The following ROBO1 variants were observed in gnomAD, a reference collection of about 807,000 sequenced individuals.
The protein encoded by ROBO1 is roundabout guidance receptor 1.
ROBO1 carries 149 observed loss-of-function variants against 195.9 expected under a neutral mutation model. The observed-to-expected ratio is 0.76, with a 90% CI of 0.67 to 0.87. ROBO1 has a LOEUF of 0.87. ROBO1 is among the 40% of genes least tolerant of loss of function. ROBO1 has a pLI of 0.00. For missense variants in ROBO1, 1,933 were observed against 2,068.3 expected (o/e 0.93, Z 1.27); for synonymous variants, 816 against 733.2 (o/e 1.11, Z -1.82).
At chr3:79,003,299 C>T (rs962031309) in intron 3 of ROBO1, among the ~76,000 whole-genome samples, 4 of 151,946 alleles carry the variant, frequency 2.6e-5, no homozygotes, top group Non-Finnish European at 4.4e-5. Flanking sequence ...TTGAAATCAC[C>T]GGGAGGGGAG....
chr3:79,634,950 A>T (rs1945454566), intron 1 of ROBO1, among the ~76,000 whole-genome samples: 1 of 152,230 alleles, frequency 6.6e-6, no homozygotes, highest in Non-Finnish European at 1.5e-5. Flanking sequence ...ATGGAACTTA[A>T]TATGTATCAG....
intron 2 of ROBO1, among the ~76,000 whole-genome samples, chr3:79,179,126 C>T (rs1184188016): frequency 6.6e-6 from 1 of 151,994 alleles, no homozygotes; most frequent in African/African-American, 2.4e-5. Context: ...TCAAAGACCA[C>T]TAAAAATAAA....
chr3:79,450,972 T>C (rs1019236659), intron 2 of ROBO1, among the ~76,000 whole-genome samples: 2 of 151,978 alleles, frequency 1.3e-5, no homozygotes, highest in Non-Finnish European at 2.9e-5. Flanking sequence ...CAGATTATTT[T>C]CCATTAGATA....
chr3:79,033,897 G>A (rs1024871771), intron 3 of ROBO1, among the ~76,000 whole-genome samples: 12 of 151,998 alleles, frequency 7.9e-5, no homozygotes, highest in Non-Finnish European at 1.5e-4. Context: ...TTATCCCACC[G>A]GCTCGACCTT....
chr3:79,719,525 G>T (rs533386927), intron 1 of ROBO1, among the ~76,000 whole-genome samples: 1 of 152,186 alleles, frequency 6.6e-6, no homozygotes, highest in South Asian at 2.1e-4. Context: ...TTCTTATAAT[G>T]CTAAAATAAA....
rs531567526 is a variant in ROBO1, at chr3:79,749,963, G to A, written c.-51+17789C>T. Reference sequence around the variant, plus strand: ...CCAACATCCTCCAGATCCCAGAATGGTAGATCCACCAACAGCTTGTGCTGT... The same window carrying A: ...CCAACATCCTCCAGATCCCAGAATGATAGATCCACCAACAGCTTGTGCTGT... On this transcript the variant is annotated intron_variant, in intron 1 of 30. Coordinates refer to ENST00000464233, the MANE Select transcript of ROBO1 (RefSeq NM_002941.4). 2.0e-5 allele frequency among the ~76,000 whole-genome samples: 3 copies of A among 152,264 alleles called. No homozygotes were observed. The East Asian group carries it at 5.8e-4, about 30-fold the overall frequency.
chr3:79,393,996 C>A (rs1474071403), intron 2 of ROBO1, among the ~76,000 whole-genome samples: 2 of 151,876 alleles, frequency 1.3e-5, no homozygotes. Context: ...AAGAAAGAAA[C>A]GACATGACAA....
intron 2 of ROBO1, among the ~76,000 whole-genome samples, chr3:79,138,246 A>C (rs2080454355): frequency 6.6e-6 from 1 of 152,048 alleles, no homozygotes; most frequent in Non-Finnish European, 1.5e-5. Flanking sequence ...TCATCATCCT[A>C]TGCCTAGCCT....
chr3:79,588,957 G>A (rs1461620170), intron 2 of ROBO1, among the ~76,000 whole-genome samples: 1 of 151,538 alleles, frequency 6.6e-6, no homozygotes, highest in Non-Finnish European at 1.5e-5. Flanking sequence ...GATTTTGTGT[G>A]GATGAACATG....
intron 2 of ROBO1, among the ~76,000 whole-genome samples, chr3:79,369,917 A>T (rs7639769): frequency 0.6 from 90,840 of 152,090 alleles, 28,196 homozygotes; most frequent in African/African-American, 0.77. Flanking sequence ...AAATATAAAG[A>T]CATAAGAGAA....
intron 2 of ROBO1, among the ~76,000 whole-genome samples, chr3:79,230,152 A>AT (rs1299902462): frequency 3.3e-5 from 5 of 152,130 alleles, no homozygotes; most frequent in African/African-American, 1.2e-4. Flanking sequence ...CCATAAATGC[A>AT]TGTCACTTTT....
chr3:78,966,592 G>A (rs963209493), intron 3 of ROBO1, among the ~76,000 whole-genome samples: 8 of 152,244 alleles, frequency 5.3e-5, no homozygotes, highest in Middle Eastern at 3.4e-3. Context: ...CCAAAGTTAA[G>A]TCACTGGTTT....
At chr3:79,292,184 T>C (rs2032290997) in intron 2 of ROBO1, among the ~76,000 whole-genome samples, 1 of 152,168 alleles carries the variant, frequency 6.6e-6, no homozygotes, top group African/African-American at 2.4e-5. Flanking sequence ...GTTTGTCTAT[T>C]ATTGGTGTAT....
At chr3:79,520,418 C>T (rs887424980) in intron 2 of ROBO1, among the ~76,000 whole-genome samples, 1 of 152,084 alleles carries the variant, frequency 6.6e-6, no homozygotes, top group African/African-American at 2.4e-5. Context: ...AATTTTCTGG[C>T]CTCAGTAGTT....
At chr3:79,185,513 C>T (rs2081421425) in intron 2 of ROBO1, among the ~76,000 whole-genome samples, 2 of 152,094 alleles carry the variant, frequency 1.3e-5, no homozygotes, top group South Asian at 4.1e-4. Flanking sequence ...AAACTTTATT[C>T]ATCATATTTT....
chr3:79,579,737 A>C (rs530295076), intron 2 of ROBO1, among the ~76,000 whole-genome samples: 1 of 152,306 alleles, frequency 6.6e-6, no homozygotes, highest in East Asian at 1.9e-4. Flanking sequence ...TACAGTAACT[A>C]TCTAGAAGCC....
At chr3:79,153,663 C>T (rs1053559388) in intron 2 of ROBO1, among the ~76,000 whole-genome samples, 3 of 149,768 alleles carry the variant, frequency 2.0e-5, no homozygotes, top group African/African-American at 7.3e-5. Flanking sequence ...CAAATATACT[C>T]GTCTGCTTAA....
intron 1 of ROBO1, among the ~76,000 whole-genome samples, chr3:79,677,847 C>T (rs1447922625): frequency 6.6e-6 from 1 of 152,112 alleles, no homozygotes; most frequent in African/African-American, 2.4e-5. Context: ...CAGGCCAATA[C>T]CTTGTTTGCT....
At chr3:79,550,195 G>GAAAGGAAAGAAA in intron 2 of ROBO1, among the ~76,000 whole-genome samples, 11 of 100,838 alleles carry the variant, frequency 1.1e-4, no homozygotes, top group Non-Finnish European at 1.7e-4. Context: ...AAGAAAGAAA[G>GAAAGGAAAGAAA]GAAAAGAAAA....
Sources: allele counts gnomAD v4.1 joint callset (sites outside exome capture counted in the v4.1 genomes callset), GRCh38; gene constraint gnomAD v4.1.1; transcripts MANE v1.5; gene names NCBI Gene and HGNC (gene_info 2026-07-23, HGNC 2026-07-21).